The following EYA1 variants were observed in gnomAD, a reference collection of about 807,000 sequenced individuals.
EYA1 encodes the protein EYA transcriptional coactivator and phosphatase 1, also known as protein phosphatase EYA1.
A neutral mutation model predicts 82.0 loss-of-function variants in EYA1; 16 were observed. The ratio of observed to expected loss-of-function variants is 0.20; its 90% confidence interval spans 0.13 to 0.30. The LOEUF is 0.30. EYA1 is among the 10% of genes least tolerant of loss of function. EYA1 has a pLI of 1.00. For synonymous variants in EYA1, 261 were observed against 264.4 expected (o/e 0.99, Z 0.12); for missense variants, 633 against 730.7 (o/e 0.87, Z 1.54).
At chr8:71,354,631 GTA>G in intron 3 of EYA1, 149 bp downstream of exon 3, 3 of 766,228 alleles carry the variant, frequency 3.9e-6, no homozygotes, top group Non-Finnish European at 6.6e-6. Context: ...CTAACAATGA[GTA>G]CTGATTGGTA....
intron 9 of EYA1, among the ~76,000 whole-genome samples, chr8:71,296,117 T>G (rs1372936872): frequency 6.6e-6 from 1 of 152,206 alleles, no homozygotes; most frequent in Non-Finnish European, 1.5e-5. Flanking sequence ...TTTAAAAGAA[T>G]GAATGCAAAG....
intron 9 of EYA1, among the ~76,000 whole-genome samples, chr8:71,290,270 C>G (rs1316705113): frequency 1.3e-5 from 2 of 152,170 alleles, no homozygotes; most frequent in African/African-American, 4.8e-5. Flanking sequence ...ATAACTTTGT[C>G]CTCTTTACAA....
rs1812899443 is a variant in EYA1 at position 71,244,954 on chromosome 8, A to AAATCTAGGGTT, written c.1051-273_1051-263dup. ...TCTTTCTTTACTTTTTTAAAATTTAAAATCTAGGGTTACTTAGACATATAA... is the reference window on the plus strand; with the variant it reads ...TCTTTCTTTACTTTTTTAAAATTTAAAATCTAGGGTTAATCTAGGGTTACTTAGACATATAA... On this transcript the variant is annotated intron_variant, in intron 11 of 17. Coordinates refer to ENST00000340726, the MANE Select transcript of EYA1 (RefSeq NM_000503.6). Among the ~76,000 whole-genome samples, 4 of 152,330 alleles carry AAATCTAGGGTT rather than the reference A, an allele frequency of 2.6e-5. No homozygotes were observed. In the South Asian group the frequency reaches 8.3e-4, roughly 32 times the overall value.
At chr8:71,270,575 A>G (rs1322013029) in intron 10 of EYA1, among the ~76,000 whole-genome samples, 1 of 152,192 alleles carries the variant, frequency 6.6e-6, no homozygotes, top group Non-Finnish European at 1.5e-5. Context: ...ATATACATAG[A>G]TTCTGCTAAA....
At chr8:71,514,569 T>A (rs1015022311) in intron 2 of EYA1, among the ~76,000 whole-genome samples, 2 of 152,118 alleles carry the variant, frequency 1.3e-5, no homozygotes, top group Admixed American at 6.6e-5. Flanking sequence ...TGGCGGGATG[T>A]GAAACGCACT....
In EYA1 at chr8:71,392,567, G is replaced by A. The variant is rs137953563; in HGVS notation, c.34-36056C>T. On this transcript the variant is annotated intron_variant, in intron 2 of 18. Coordinates refer to the EYA1 transcript ENST00000643681. ...AATGAGGTGAGAGATAGGCTGTAGTGAGCTTACTCCATCTTGGCTGTCACT... is the reference window on the plus strand; with the variant it reads ...AATGAGGTGAGAGATAGGCTGTAGTAAGCTTACTCCATCTTGGCTGTCACT... Among the ~76,000 whole-genome samples the A allele has an allele frequency of 2.0e-3, 304 of 152,238 alleles. 1 individual carries two copies. Among genetic ancestry groups the A allele is most frequent in the African/African-American group, 6.8e-3 (283 of 41,550 alleles).
chr8:71,487,520 A>G (rs1035568810), intron 2 of EYA1, among the ~76,000 whole-genome samples: 14 of 152,206 alleles, frequency 9.2e-5, no homozygotes, highest in African/African-American at 3.1e-4. Flanking sequence ...CTTGCCAGAG[A>G]ATATTATATG....
At chr8:71,213,153 A>ATAT (rs1359560586) in intron 16 of EYA1, among the ~76,000 whole-genome samples, 7 of 152,062 alleles carry the variant, frequency 4.6e-5, no homozygotes, top group Admixed American at 4.6e-4. Context: ...CCACCACCAC[A>ATAT]TATTTTTTTT....
intron 9 of EYA1, among the ~76,000 whole-genome samples, chr8:71,293,664 C>T (rs1291620487): frequency 6.6e-6 from 1 of 151,860 alleles, no homozygotes; most frequent in African/African-American, 2.4e-5. Flanking sequence ...TCCATCACAT[C>T]AATGAGCTAA....
intron 2 of EYA1, among the ~76,000 whole-genome samples, chr8:71,389,684 C>A (rs1467325343): frequency 1.3e-5 from 2 of 152,276 alleles, no homozygotes; most frequent in East Asian, 3.9e-4. Flanking sequence ...CCATGTACGA[C>A]TGGTGACAGA....
intron 2 of EYA1, among the ~76,000 whole-genome samples, chr8:71,379,797 C>G (rs1470525766): frequency 6.6e-6 from 1 of 151,608 alleles, no homozygotes; most frequent in Non-Finnish European, 1.5e-5. Flanking sequence ...ATCCAGTGTA[C>G]AGAGCACCCT....
chr8:71,529,238 A>G (rs1172391981), intron 2 of EYA1, among the ~76,000 whole-genome samples: 1 of 152,206 alleles, frequency 6.6e-6, no homozygotes, highest in East Asian at 1.9e-4. Flanking sequence ...CTATTTGCTG[A>G]GTACCCATCA....
chr8:71,355,912 C>G (rs192899165), intron 2 of EYA1, among the ~76,000 whole-genome samples: 1 of 152,042 alleles, frequency 6.6e-6, no homozygotes, highest in East Asian at 1.9e-4. Context: ...TTTCTTACAG[C>G]CAATTTCTTA....
rs540716678 is a variant in EYA1, at chr8:71,396,542, G to T, written c.34-40031C>A. On this transcript the variant is annotated intron_variant, in intron 2 of 18. Transcript: ENST00000643681. ...ACATCTTTATTTCTGCCTTCATTTC[G>T]TTATATAGCCAGTAGTCATTCAGGA... is the stretch of plus-strand genomic sequence containing the variant. Among the ~76,000 whole-genome samples the T allele has an allele frequency of 2.5e-3, 384 of 152,186 alleles. 5 individuals are homozygous for T. Among genetic ancestry groups the T allele is most frequent in the African/African-American group, 8.9e-3 (369 of 41,518 alleles).
chr8:71,332,449 A>G (rs944816967), intron 4 of EYA1, among the ~76,000 whole-genome samples: 26 of 151,738 alleles, frequency 1.7e-4, no homozygotes, highest in Admixed American at 9.2e-4. Flanking sequence ...TGCCTCACTT[A>G]CCCCTATACC....
intron 1 of EYA1, among the ~76,000 whole-genome samples, chr8:71,540,494 A>G (rs1326386725): frequency 6.6e-6 from 1 of 151,964 alleles, no homozygotes; most frequent in Non-Finnish European, 1.5e-5. Context: ...TGGTGACATG[A>G]AGCAGACAGA....
At chr8:71,284,672 T>C (rs1290802241) in intron 9 of EYA1, among the ~76,000 whole-genome samples, 1 of 152,256 alleles carries the variant, frequency 6.6e-6, no homozygotes, top group Non-Finnish European at 1.5e-5. Flanking sequence ...GATAAAGTGA[T>C]ATTCCAGTTC....
At chr8:71,474,754 A>C (rs1373556838) in intron 2 of EYA1, among the ~76,000 whole-genome samples, 2 of 152,234 alleles carry the variant, frequency 1.3e-5, no homozygotes, top group African/African-American at 2.4e-5. Context: ...AAAGAAAATC[A>C]AATGTACATG....
chr8:71,224,520 G>C (rs1424178688), intron 12 of EYA1, among the ~76,000 whole-genome samples: 2 of 152,196 alleles, frequency 1.3e-5, no homozygotes, highest in Non-Finnish European at 2.9e-5. Context: ...GAGCAATTTA[G>C]ATACTTGCCT....
Sources: allele counts gnomAD v4.1 joint callset (sites outside exome capture counted in the v4.1 genomes callset), GRCh38; gene constraint gnomAD v4.1.1; transcripts MANE v1.5; gene names NCBI Gene and HGNC (gene_info 2026-07-23, HGNC 2026-07-21).